RBFOX2: variants seen among roughly 807,000 people sequenced by gnomAD.
RBFOX2 encodes RNA binding protein fox-1 homolog 2.
RBFOX2 carries 10 observed loss-of-function variants against 49.1 expected under a neutral mutation model. The observed-to-expected ratio is 0.20, with a 90% CI of 0.13 to 0.35. The LOEUF is 0.35. RBFOX2 is among the 10% of genes least tolerant of loss of function. The probability of loss-of-function intolerance (pLI) is 1.00; values close to 1 mark genes in which losing one functional copy is unlikely to be tolerated. For synonymous variants in RBFOX2, 183 were observed against 187.4 expected (o/e 0.98, Z 0.19); for missense variants, 323 against 486.9 (o/e 0.66, Z 3.17).
At chr22:36,002,679 A>T (rs914047546) in intron 1 of RBFOX2, among the ~76,000 whole-genome samples, 1 of 152,258 alleles carries the variant, frequency 6.6e-6, no homozygotes, top group African/African-American at 2.4e-5. Context: ...GCTCAAGTGC[A>T]ATGGCACGAT....
chr22:35,903,815 A>T (rs2048839717), intron 1 of RBFOX2, among the ~76,000 whole-genome samples: 1 of 152,090 alleles, frequency 6.6e-6, no homozygotes, highest in Non-Finnish European at 1.5e-5. Context: ...TCTTTCCTGA[A>T]TATCACACTA....
At chr22:35,803,457 C>T (rs1300944010) in intron 2 of RBFOX2, among the ~76,000 whole-genome samples, 1 of 152,154 alleles carries the variant, frequency 6.6e-6, no homozygotes, top group Non-Finnish European at 1.5e-5. Context: ...GAGAGAACTC[C>T]TTGAGCCCAG....
intron 1 of RBFOX2, among the ~76,000 whole-genome samples, chr22:35,814,964 C>T (rs913990607): frequency 3.3e-5 from 5 of 152,272 alleles, no homozygotes; most frequent in Admixed American, 3.3e-4. Flanking sequence ...CAATCCGCAG[C>T]TACTTGAATC....
At chr22:35,814,727 A>G (rs978625258) in intron 1 of RBFOX2, among the ~76,000 whole-genome samples, 1 of 150,296 alleles carries the variant, frequency 6.7e-6, no homozygotes, top group Admixed American at 6.6e-5. Flanking sequence ...AAAAAAAAAA[A>G]AAAAAAAAAG....
At chr22:35,846,330 T>TTG (rs35272106) in intron 1 of RBFOX2, among the ~76,000 whole-genome samples, 7,946 of 140,396 alleles carry the variant, frequency 0.057, 250 homozygotes, top group African/African-American at 0.086. Flanking sequence ...ATTTATATAG[T>TTG]TGTGTGTGTG....
chr22:35,891,781 C>T (rs932712859), intron 1 of RBFOX2, among the ~76,000 whole-genome samples: 10 of 151,590 alleles, frequency 6.6e-5, no homozygotes, highest in South Asian at 2.1e-4. Context: ...GTCTCTTTCC[C>T]TGTTTTTGAT....
intron 1 of RBFOX2, among the ~76,000 whole-genome samples, chr22:35,953,472 G>A (rs1222754032): frequency 6.6e-6 from 1 of 152,040 alleles, no homozygotes; most frequent in Non-Finnish European, 1.5e-5. Flanking sequence ...CATCAAAAGA[G>A]AAAGCAGATT....
At chr22:35,742,888 G>A (rs1292763823) in exon 12 of RBFOX2, 1 of 152,846 alleles carries the variant, frequency 6.5e-6, no homozygotes, top group Non-Finnish European at 1.5e-5. Context: ...AAAGTGGTCC[G>A]GGTGCTCAGC....
Position 36,008,173 on chromosome 22 carries a change from T to C in RBFOX2, c.186+20067A>G, listed in dbSNP as rs150906572. Among the ~76,000 whole-genome samples, 329 of 152,316 alleles carry C rather than the reference T, an allele frequency of 2.2e-3. 1 individual carries two copies. The highest frequency in any genetic ancestry group is 7.8e-3 in the African/African-American group (324 of 41,560). ...TCCTATTTCTTTACTCACACCCTTA[T>C]CAAACCATTGTGTTATCAAATTTTT... On this transcript the variant is annotated intron_variant, in intron 1 of 13. Transcript: ENST00000438146.
chr22:35,912,887 T>A (rs770526824), intron 1 of RBFOX2, among the ~76,000 whole-genome samples: 3 of 152,200 alleles, frequency 2.0e-5, no homozygotes, highest in Non-Finnish European at 4.4e-5. Context: ...AGCAGTGACC[T>A]TGAGCAAGTA....
intron 1 of RBFOX2, among the ~76,000 whole-genome samples, chr22:35,846,173 A>G (rs2041163280): frequency 6.7e-6 from 1 of 149,926 alleles, no homozygotes; most frequent in Non-Finnish European, 1.5e-5. Context: ...CACTATAATT[A>G]TAAACTTGCA....
intron 4 of RBFOX2, among the ~76,000 whole-genome samples, chr22:35,774,036 TTTCTC>T (rs1943317771): frequency 1.3e-5 from 2 of 152,122 alleles, no homozygotes; most frequent in African/African-American, 4.8e-5. Flanking sequence ...CTAGTGCACA[TTTCTC>T]TTTAATAAAC....
chr22:35,760,886 G>A (rs921318174), intron 8 of RBFOX2, among the ~76,000 whole-genome samples: 4 of 152,092 alleles, frequency 2.6e-5, no homozygotes, highest in South Asian at 2.1e-4. Context: ...TGGCTGACTC[G>A]CAGAGGAAAT....
intron 1 of RBFOX2, among the ~76,000 whole-genome samples, chr22:35,973,443 TG>T (rs1279504999): frequency 6.6e-6 from 1 of 152,182 alleles, no homozygotes; most frequent in Non-Finnish European, 1.5e-5. Flanking sequence ...GCAGGAACAC[TG>T]AAAACTCCCT....
chr22:36,025,226 T>C (rs538388582), intron 1 of RBFOX2, among the ~76,000 whole-genome samples: 2 of 152,352 alleles, frequency 1.3e-5, no homozygotes, highest in East Asian at 3.9e-4. Flanking sequence ...ATTGGTCTCC[T>C]GTTTCCAAAC....
intron 1 of RBFOX2, among the ~76,000 whole-genome samples, chr22:35,862,240 C>A (rs2043171881): frequency 6.6e-6 from 1 of 151,972 alleles, no homozygotes; most frequent in Non-Finnish European, 1.5e-5. Flanking sequence ...TATGCCAAAA[C>A]CTAACAAATT....
chr22:35,967,950 C>T (rs895709975), intron 1 of RBFOX2, among the ~76,000 whole-genome samples: 8 of 152,170 alleles, frequency 5.3e-5, no homozygotes, highest in Non-Finnish European at 1.0e-4. Flanking sequence ...AAATCTAGGT[C>T]ATTCTAGCTA....
intron 1 of RBFOX2, among the ~76,000 whole-genome samples, chr22:35,976,929 A>G (rs2057192858): frequency 6.7e-6 from 1 of 150,302 alleles, no homozygotes; most frequent in South Asian, 2.1e-4. Flanking sequence ...GCGTCACTGC[A>G]CTCCAGCCTG....
intron 1 of RBFOX2, chr22:35,992,308 C>A (rs2058017576): frequency 1.3e-5 from 2 of 151,210 alleles, no homozygotes; most frequent in African/African-American, 2.5e-5. Context: ...CATACACATA[C>A]ACACACACAC....
Sources: gnomAD v4.1 joint callset for allele counts (sites outside exome capture counted in the v4.1 genomes callset) on GRCh38, gnomAD v4.1.1 for gene constraint, MANE v1.5 for transcripts, NCBI Gene and HGNC (gene_info 2026-07-23, HGNC 2026-07-21) for gene names.